PPDPFL: variants seen among roughly 807,000 people sequenced by gnomAD.
The protein encoded by PPDPFL is pancreatic progenitor cell differentiation and proliferation factor like, also known as pancreatic progenitor cell differentiation and proliferation factor-like protein.
Under a neutral mutation model 12.6 loss-of-function variants are expected in PPDPFL, and 12 were observed. The ratio of observed to expected loss-of-function variants is 0.95; its 90% CI spans 0.61 to 1.54. The LOEUF (loss-of-function observed/expected upper bound fraction) is 1.54. Among genes scored for constraint, PPDPFL ranks in the 40% most tolerant of loss-of-function variants. The pLI, the probability that PPDPFL is intolerant of heterozygous loss-of-function variation, is 0.00. For missense variants in PPDPFL, 114 were observed against 96.0 expected, an observed-to-expected ratio of 1.19 and a Z score of -0.78; for synonymous variants, 24 against 32.7, an observed-to-expected ratio of 0.73 and a Z score of 0.91.
intron 2 of PPDPFL, 24 bp downstream of exon 2, chr8:49,072,909 G>A (rs578228894): frequency 9.5e-6 from 15 of 1,578,476 alleles, no homozygotes; most frequent in Middle Eastern, 1.7e-4. Flanking sequence ...TCATAGAGAC[G>A]TCCCTAGATA....
intron 1 of PPDPFL, among the ~76,000 whole-genome samples, chr8:49,061,978 G>A (rs554377713): frequency 2.0e-5 from 3 of 152,244 alleles, no homozygotes; most frequent in Non-Finnish European, 4.4e-5. Flanking sequence ...TAAAATCAGG[G>A]CTCTTTCCTT....
chr8:49,062,387 G>C (rs1808224544), intron 1 of PPDPFL, among the ~76,000 whole-genome samples: 1 of 152,208 alleles, frequency 6.6e-6, no homozygotes, highest in African/African-American at 2.4e-5. Context: ...TACAGAAGGT[G>C]GTTGAAGAAA....
chr8:49,072,365 C>G lies in PPDPFL; in HGVS notation c.-162C>G, dbSNP rs1808405348. ...CATCACGGACCTACCACTGGCCCTG[C>G]GTATGTGGTGCAGCCTCTCTTCAAT... is the stretch of plus-strand genomic sequence containing the variant. On this transcript the variant is annotated 5_prime_UTR_variant, in exon 1 of 5. Coordinates refer to ENST00000522267, the MANE Select transcript of PPDPFL (RefSeq NM_001256597.2). The G allele has an allele frequency of 6.5e-6, 1 of 153,732 alleles. No individual in the cohort carries two copies. 9.5% of individuals were successfully genotyped at this position (153,732 alleles called of 1,614,324 possible). A position where few individuals can be genotyped will look rare whatever the true frequency, so the allele number is the denominator to read the frequency against.
At position 49,054,376 on chromosome 8, in the gene PPDPFL, A is replaced by G. The variant is rs543610814; in HGVS notation, c.-45+7A>G. Reference sequence around the variant, plus strand: ...CACTTCTACTTAAGGCATAGTAAATATATTTTCTCTTCCTTATGATTTTTT... The same window carrying G: ...CACTTCTACTTAAGGCATAGTAAATGTATTTTCTCTTCCTTATGATTTTTT... On this transcript the variant is annotated splice_region_variant and intron_variant, in intron 1 of 4. Coordinates refer to the PPDPFL transcript ENST00000517663. The G allele has an allele frequency of 3.9e-4, 59 of 152,146 alleles. 1 individual carries two copies. Among genetic ancestry groups the G allele is most frequent in the Non-Finnish European group, 7.8e-4 (53 of 68,030 alleles). 9.4% of individuals were successfully genotyped at this position (152,146 alleles called of 1,614,324 possible).
chr8:49,066,038 G>T (rs1430815096), intron 1 of PPDPFL, among the ~76,000 whole-genome samples: 1 of 152,224 alleles, frequency 6.6e-6, no homozygotes. Flanking sequence ...ACATTCTCCA[G>T]CCAGTAAGCC....
At chr8:49,066,878 G>A (rs920370701) in intron 1 of PPDPFL, among the ~76,000 whole-genome samples, 2 of 152,200 alleles carry the variant, frequency 1.3e-5, no homozygotes, top group South Asian at 2.1e-4. Flanking sequence ...ACCTCCTCCC[G>A]TGTCCTGGCT....
chr8:49,064,594 A>C (rs1808265488), intron 1 of PPDPFL, among the ~76,000 whole-genome samples: 1 of 152,040 alleles, frequency 6.6e-6, no homozygotes. Context: ...CACTCACTTC[A>C]GTCCAGCATC....
At chr8:49,071,964 A>G (rs1194071043), upstream of PPDPFL, among the ~76,000 whole-genome samples, 1 of 152,320 alleles carries the variant, frequency 6.6e-6, no homozygotes, top group Non-Finnish European at 1.5e-5. Context: ...AGGTATGTTC[A>G]GTCTCCCCAG....
chr8:49,060,277 T>G (rs1808177713), intron 1 of PPDPFL, among the ~76,000 whole-genome samples: 1 of 152,164 alleles, frequency 6.6e-6, no homozygotes, highest in South Asian at 2.1e-4. Context: ...CTCCTGTCTC[T>G]GCCTCTGAAG....
At chr8:49,074,464 G>C (rs548874243) in intron 4 of PPDPFL, 131 bp downstream of exon 4, 1 of 1,542,824 alleles carries the variant, frequency 6.5e-7, no homozygotes, top group Non-Finnish European at 8.7e-7. Flanking sequence ...CCTATGAAGC[G>C]CACCTGAGGG....
chr8:49,074,981 C>T, intron 4 of PPDPFL, 171 bp from the exon 5 acceptor site: 1 of 1,369,526 alleles, frequency 7.3e-7, no homozygotes, highest in Non-Finnish European at 9.6e-7. Context: ...AATTTAGAAT[C>T]ATTATTTAAA....
In PPDPFL at chr8:49,063,834, AT is replaced by A. The variant is rs1430021361; in HGVS notation, c.-44-8951del. 1.4e-4 allele frequency among the ~76,000 whole-genome samples: 21 copies of A among 152,286 alleles called. 1 individual carries two copies. Among genetic ancestry groups the A allele is most frequent in the African/African-American group, 4.8e-4 (20 of 41,562 alleles). Reference sequence around the variant, plus strand: ...TGGTAGACTTCCAAAGATTCCCTGGATTGGGGGGAAGTCCGGAGAAAATCAG... The same window carrying A: ...TGGTAGACTTCCAAAGATTCCCTGGATGGGGGGAAGTCCGGAGAAAATCAG... On this transcript the variant is annotated intron_variant, in intron 1 of 4. Transcript: ENST00000517663.
upstream of PPDPFL, among the ~76,000 whole-genome samples, chr8:49,069,279 T>C (rs1808344356): frequency 6.6e-6 from 1 of 152,200 alleles, no homozygotes; most frequent in African/African-American, 2.4e-5. Flanking sequence ...AGTATAAGAA[T>C]TATTTGCTTA....
At chr8:49,057,777 C>T (rs1808134691) in intron 1 of PPDPFL, among the ~76,000 whole-genome samples, 1 of 152,118 alleles carries the variant, frequency 6.6e-6, no homozygotes, top group Non-Finnish European at 1.5e-5. Flanking sequence ...ATAGACATGT[C>T]TTCATAGAGT....
At chr8:49,061,564 G>A (rs1212796764) in intron 1 of PPDPFL, among the ~76,000 whole-genome samples, 2 of 152,194 alleles carry the variant, frequency 1.3e-5, no homozygotes, top group Non-Finnish European at 2.9e-5. Context: ...CATCTCCGGT[G>A]TTTGAGAGGG....
rs1209315151 is a variant in PPDPFL at position 49,072,893 on chromosome 8, G to A, written c.55+8G>A. On this transcript the variant is annotated splice_region_variant and intron_variant, in intron 2 of 4. Transcript: ENST00000522267. ...GAAATCAGTATTATCGAAGTAAGTT[G>A]CATCATCATAGAGACGTCCCTAGAT... 6.2e-7 allele frequency: 1 copy of A among 1,603,042 alleles called. No individual in the cohort carries two copies. Among genetic ancestry groups the A allele is most frequent in the Non-Finnish European group, 8.5e-7 (1 of 1,174,570 alleles).
intron 1 of PPDPFL, among the ~76,000 whole-genome samples, chr8:49,056,371 G>T (rs1808112798): frequency 6.6e-6 from 1 of 151,856 alleles, no homozygotes; most frequent in African/African-American, 2.4e-5. Flanking sequence ...CCTCCTCAGA[G>T]ATGCTGTTTC....
rs896218288 is a variant in PPDPFL, at chr8:49,074,928, A to G, written c.234-224A>G. ...ATAATAAAGGGATTCATAGATGCCA[A>G]TGTTGAAATATAGTGATTCTGATGA... is the stretch of plus-strand genomic sequence containing the variant. On this transcript the variant is annotated intron_variant, in intron 4 of 4. Transcript: ENST00000522267. 16 of 1,376,552 alleles carry G rather than the reference A, an allele frequency of 1.2e-5. No individual in the cohort carries two copies. In the East Asian group the frequency reaches 1.8e-4, roughly 15 times the overall value. 85.3% of individuals were successfully genotyped at this position (1,376,552 alleles called of 1,614,324 possible). A position where few individuals can be genotyped will look rare whatever the true frequency, so the allele number is the denominator to read the frequency against.
At chr8:49,074,356 A>G in intron 4 of PPDPFL, 23 bp downstream of exon 4, 4 of 1,606,334 alleles carry the variant, frequency 2.5e-6, no homozygotes, top group Non-Finnish European at 2.6e-6. Context: ...CTTCTCTGGT[A>G]AGGGCAGTTC....
Sources: gnomAD v4.1 joint callset for allele counts (sites outside exome capture counted in the v4.1 genomes callset) on GRCh38, gnomAD v4.1.1 for gene constraint, MANE v1.5 for transcripts, NCBI Gene and HGNC (gene_info 2026-07-23, HGNC 2026-07-21) for gene names.